KALRN: variants seen among roughly 807,000 people sequenced by gnomAD.
The protein encoded by KALRN is kalirin RhoGEF kinase.
Under a neutral mutation model 353.7 loss-of-function variants are expected in KALRN, and 70 were observed. The ratio of observed to expected loss-of-function variants is 0.20; its 90% confidence interval spans 0.16 to 0.24. The LOEUF (loss-of-function observed/expected upper bound fraction) is 0.24, where lower values mean the gene tolerates loss of function less well. Among genes scored for constraint, KALRN ranks in the 10% least tolerant of loss-of-function variants. KALRN has a pLI of 1.00. For synonymous variants in KALRN, 1,391 were observed against 1,434.8 expected (o/e 0.97, Z 0.69); for missense variants, 2,791 against 3,756.7 (o/e 0.74, Z 6.72).
chr3:124,079,852 G>A (rs981436937), intron 1 of KALRN, among the ~76,000 whole-genome samples: 4 of 151,980 alleles, frequency 2.6e-5, no homozygotes, highest in Non-Finnish European at 5.9e-5. Flanking sequence ...GTTTACCTCT[G>A]GAAAAAACTC....
intron 23 of KALRN, among the ~76,000 whole-genome samples, chr3:124,458,409 A>G (rs1383788077): frequency 6.6e-6 from 1 of 151,220 alleles, no homozygotes; most frequent in Non-Finnish European, 1.5e-5. Flanking sequence ...AATCCAGCTC[A>G]TATCCTATGC....
chr3:124,345,094 T>G (rs72978414), intron 9 of KALRN, among the ~76,000 whole-genome samples: 2,175 of 152,304 alleles, frequency 0.014, 44 homozygotes, highest in African/African-American at 0.048. Context: ...CAGGCCATAC[T>G]TAAGTGCTCA....
intron 1 of KALRN, among the ~76,000 whole-genome samples, chr3:124,109,773 TGAC>T (rs1207464963): frequency 3.5e-5 from 3 of 85,802 alleles, no homozygotes; most frequent in Non-Finnish European, 6.5e-5. Flanking sequence ...GATATATATA[TGAC>T]ATATATATCA....
intron 32 of KALRN, among the ~76,000 whole-genome samples, chr3:124,495,423 A>G (rs141063214): frequency 6.6e-5 from 10 of 152,192 alleles, no homozygotes; most frequent in African/African-American, 2.4e-4. Flanking sequence ...GTTTTCTTGA[A>G]CAGAAGAAAC....
intron 27 of KALRN, among the ~76,000 whole-genome samples, chr3:124,480,849 T>G (rs1312580617): frequency 6.6e-6 from 1 of 152,236 alleles, no homozygotes; most frequent in Non-Finnish European, 1.5e-5. Context: ...CATAATGTTT[T>G]CAGAGTTCAT....
chr3:124,225,771 C>T (rs2078418550), intron 1 of KALRN, among the ~76,000 whole-genome samples: 1 of 152,032 alleles, frequency 6.6e-6, no homozygotes, highest in Non-Finnish European at 1.5e-5. Context: ...GATCTTATGG[C>T]TATTTAGAAC....
chr3:124,418,362 A>G (rs1352599066), intron 14 of KALRN, among the ~76,000 whole-genome samples: 1 of 152,162 alleles, frequency 6.6e-6, no homozygotes, highest in Non-Finnish European at 1.5e-5. Context: ...GAGTGGACCC[A>G]GATTTTTTTT....
chr3:124,412,393 T>A (rs921191547), intron 13 of KALRN, among the ~76,000 whole-genome samples: 1 of 152,178 alleles, frequency 6.6e-6, no homozygotes, highest in African/African-American at 2.4e-5. Context: ...GACACTTTCG[T>A]CTCCTGAGAA....
intron 33 of KALRN, chr3:124,519,165 A>G (rs1054153102): frequency 1.2e-4 from 117 of 985,176 alleles, no homozygotes; most frequent in Non-Finnish European, 1.4e-4. Flanking sequence ...ACCAGCCCCT[A>G]TTTGCTTCAG....
At chr3:124,060,291 G>A (rs1380201106) in intron 1 of KALRN, among the ~76,000 whole-genome samples, 2 of 152,304 alleles carry the variant, frequency 1.3e-5, no homozygotes, top group East Asian at 3.9e-4. Context: ...GTCAGCATCA[G>A]CTCTGTAATT....
At chr3:124,409,870 T>A (rs1471657230) in intron 13 of KALRN, among the ~76,000 whole-genome samples, 3 of 151,400 alleles carry the variant, frequency 2.0e-5, no homozygotes, top group African/African-American at 7.3e-5. Flanking sequence ...TCAGACTAAT[T>A]GAAAGCTGTG....
At chr3:124,251,325 C>CTGTT (rs201236792) in intron 3 of KALRN, among the ~76,000 whole-genome samples, 2,726 of 149,624 alleles carry the variant, frequency 0.018, 35 homozygotes, top group Middle Eastern at 0.036. Context: ...GCTCTTTTGA[C>CTGTT]TGTTTGCGGC....
Position 124,632,513 on chromosome 3 carries a change from C to T in KALRN, c.5276C>T (p.Ser1759Phe). The T allele has an allele frequency of 6.2e-7, 1 of 1,614,226 alleles. No homozygotes were observed. Among genetic ancestry groups the T allele is most frequent in the East Asian group, 2.2e-5 (1 of 44,874 alleles). The change falls in exon 35 of 60, where the codon TCC becomes TTC. Residue 1759 changes from serine (S) to phenylalanine (F), a missense_variant. Transcript: ENST00000682506. ...CCCTCCCTGAACTCCATCCACAGTT[C>T]CCCGGGTCCCAAGCGCTCCACCAAC... ...AQPSLNSIHS[S>F]PGPKRSTNTL...
intron 34 of KALRN, among the ~76,000 whole-genome samples, chr3:124,628,185 CT>C (rs575622003): frequency 9.5e-5 from 5 of 52,690 alleles, no homozygotes; most frequent in Admixed American, 2.9e-4. Flanking sequence ...TCCCTCCCTC[CT>C]TCATTCCCTC....
In KALRN at chr3:124,594,781, C is replaced by T. The variant is rs574381029; in HGVS notation, c.5182+31692C>T. Among the ~76,000 whole-genome samples the T allele has an allele frequency of 1.0e-3, 157 of 152,234 alleles. 1 individual carries two copies. Among genetic ancestry groups the T allele is most frequent in the South Asian group, 4.4e-3 (21 of 4,810 alleles). On this transcript the variant is annotated intron_variant, in intron 34 of 59. Coordinates refer to ENST00000682506, the MANE Select transcript of KALRN (RefSeq NM_001388419.1). ...CAGTGAATGATCAGCCTTTATCTCTCCTCCCCAGGAGATCAGCAAGCACTG... is the reference window on the plus strand; with the variant it reads ...CAGTGAATGATCAGCCTTTATCTCTTCTCCCCAGGAGATCAGCAAGCACTG...
chr3:124,268,423 C>T (rs1039020582), intron 4 of KALRN, among the ~76,000 whole-genome samples: 1 of 152,164 alleles, frequency 6.6e-6, no homozygotes, highest in African/African-American at 2.4e-5. Flanking sequence ...CTGCTTCTAG[C>T]CTCTGAAGCC....
intron 31 of KALRN, chr3:124,491,810 C>T (rs1373668133): frequency 6.3e-6 from 1 of 158,072 alleles, no homozygotes; most frequent in African/African-American, 2.4e-5. Context: ...TCCTAAATAA[C>T]TTCCGTGTAA....
At chr3:124,459,057 T>C (rs1195880919) in intron 23 of KALRN, among the ~76,000 whole-genome samples, 1 of 152,228 alleles carries the variant, frequency 6.6e-6, no homozygotes, top group Non-Finnish European at 1.5e-5. Context: ...AACATCAATT[T>C]CTTTACTTGA....
At chr3:124,146,476 A>G (rs761321838) in intron 1 of KALRN, among the ~76,000 whole-genome samples, 12 of 152,216 alleles carry the variant, frequency 7.9e-5, no homozygotes, top group Non-Finnish European at 1.2e-4. Context: ...CTGAGCCTTC[A>G]CTGCAAATGG....
Sources: allele counts gnomAD v4.1 joint callset (sites outside exome capture counted in the v4.1 genomes callset), GRCh38; gene constraint gnomAD v4.1.1; transcripts MANE v1.5; gene names NCBI Gene and HGNC (gene_info 2026-07-23, HGNC 2026-07-21).